NME4: variants seen among roughly 807,000 people sequenced by gnomAD.
NME4 encodes nucleoside diphosphate kinase D, mitochondrial.
In NME4, 21 loss-of-function variants were observed where a neutral mutation model predicts 16.4. The observed-to-expected ratio is 1.28, with a 90% CI of 0.91 to 1.84. The LOEUF (loss-of-function observed/expected upper bound fraction) is 1.84, where lower values mean the gene tolerates loss of function less well. Ranked by LOEUF, NME4 falls within the 40% of genes most tolerant of loss-of-function variation. The pLI is 0.00. For synonymous variants in NME4, 132 were observed against 107.5 expected (o/e 1.23, Z -1.41); for missense variants, 316 against 261.3 (o/e 1.21, Z -1.44).
chr16:399,595 C>T (rs1370683099), intron 3 of NME4, 32 bp from the exon 4 acceptor site: 3 of 1,605,436 alleles, frequency 1.9e-6, no homozygotes, highest in Admixed American at 3.3e-5. Flanking sequence ...TGGTGTTCCC[C>T]ACTTCTCCCC....
chr16:399,606 A>G (rs2054616046), intron 3 of NME4, 21 bp from the exon 4 acceptor site: 4 of 1,610,030 alleles, frequency 2.5e-6, no homozygotes, highest in Non-Finnish European at 3.4e-6. Context: ...ACTTCTCCCC[A>G]ACCATTATCT....
At position 400,261 on chromosome 16, in the gene NME4, G is replaced by C. The variant is rs1197662597; in HGVS notation, c.483G>C (p.Arg161=). ...HASDSVEGAQ[R]EIQLWFQSSE... Reference sequence around the variant, plus strand: ...GCGACTCCGTGGAGGGGGCCCAGCGGGAGATCCAGCTGTGGTTCCAGAGCA... The same window carrying C: ...GCGACTCCGTGGAGGGGGCCCAGCGCGAGATCCAGCTGTGGTTCCAGAGCA... Residue 161 remains arginine, a synonymous_variant, in exon 5 of 5, where the codon CGG becomes CGC. Transcript: ENST00000219479. The C allele has an allele frequency of 6.2e-7, 1 of 1,604,730 alleles. No individual in the cohort carries two copies. Among genetic ancestry groups the C allele is most frequent in the Admixed American group, 1.7e-5 (1 of 59,590 alleles).
intron 4 of NME4, 134 bp downstream of exon 4, chr16:399,873 G>A (rs1302824589): frequency 1.3e-5 from 9 of 719,768 alleles, no homozygotes; most frequent in Non-Finnish European, 1.9e-5. Flanking sequence ...AGCTCACACT[G>A]GTGAGAGCCG....
In NME4 at chr16:397,865, G is replaced by A. The variant is rs553860954; in HGVS notation, c.91+552G>A. The A allele has an allele frequency of 1.2e-4, 193 of 1,553,644 alleles. 1 individual carries two copies. The African/African-American group carries it at 2.2e-3, about 17-fold the overall frequency. On this transcript the variant is annotated intron_variant, in intron 1 of 4. Transcript: ENST00000219479. The stretch of plus-strand genomic sequence containing the variant: ...CCCCCCAGCTGCCACCTCACAGGAC[G>A]ATCCATGTCCCAGGGCTCCCTCCAT...
intron 1 of NME4, among the ~76,000 whole-genome samples, chr16:397,523 T>G (rs2054567761): frequency 7.8e-6 from 1 of 128,078 alleles, no homozygotes; most frequent in South Asian, 2.6e-4. Flanking sequence ...CCTTCTCGCC[T>G]CCCCAGGCCC....
chr16:399,996 G>A (rs1330848918), intron 4 of NME4: 3 of 716,664 alleles, frequency 4.2e-6, no homozygotes, highest in African/African-American at 1.8e-5. Flanking sequence ...AACTTGGGGG[G>A]AAATGAGGCT....
upstream of NME4, chr16:397,087 C>CG (rs2054556878): frequency 6.1e-6 from 1 of 164,050 alleles, no homozygotes; most frequent in East Asian, 2.1e-4. Flanking sequence ...CCCGTGAGCG[C>CG]CGGGCCACGG....
upstream of NME4, chr16:397,192 C>T (rs542872229): frequency 2.1e-6 from 2 of 965,326 alleles, no homozygotes; most frequent in Non-Finnish European, 2.5e-6. Flanking sequence ...GCCCGCTCCT[C>T]GCGCTCACAG....
chr16:399,516 G>C, intron 3 of NME4, 36 bp downstream of exon 3: 2 of 1,602,664 alleles, frequency 1.2e-6, no homozygotes, highest in Non-Finnish European at 8.5e-7. Context: ...GGGCCTGTGG[G>C]TAAAGGGCGT....
intron 2 of NME4, 126 bp downstream of exon 2, chr16:399,249 T>C: frequency 2.1e-6 from 3 of 1,445,086 alleles, no homozygotes; most frequent in South Asian, 1.1e-5. Context: ...GCAGGAGGGA[T>C]CTATTCTGCG....
upstream of NME4, chr16:397,126 C>T: frequency 2.5e-5 from 7 of 274,812 alleles, no homozygotes; most frequent in Non-Finnish European, 2.4e-5. Context: ...GGCTCCGGGG[C>T]GGCGGGGGGC....
chr16:397,327 C>G lies in NME4; in HGVS notation c.91+14C>G. ...GCCACGGCTCGGGTGAGTGGGGCCGCGCGCCCCGGCGGGGACGCGGAGGGG... is the reference window on the plus strand; with the variant it reads ...GCCACGGCTCGGGTGAGTGGGGCCGGGCGCCCCGGCGGGGACGCGGAGGGG... On this transcript the variant is annotated intron_variant, in intron 1 of 4. Coordinates refer to ENST00000219479, the MANE Select transcript of NME4 (RefSeq NM_005009.3). 1 of 1,012,320 alleles carries G rather than the reference C, an allele frequency of 9.9e-7. No homozygotes were observed. The allele number at this position is 1,012,320 out of a possible 1,614,324, so 62.7% of individuals were successfully genotyped here.
rs181557931 is a variant in NME4, at chr16:399,014, G to A, written c.116G>A (p.Arg39Gln). 49 of 1,610,094 alleles carry A rather than the reference G, an allele frequency of 3.0e-5. No homozygotes were observed. In the African/African-American group the frequency reaches 3.1e-4, roughly 10 times the overall value. The change falls in exon 2 of 5, where the codon CGG becomes CAG. Residue 39 changes from arginine to glutamine, a missense_variant. Coordinates refer to ENST00000219479, the MANE Select transcript of NME4 (RefSeq NM_005009.3). ...GSGGPSWTRERTLVAVKPDGV... is the reference protein window; with the variant it reads ...GSGGPSWTREQTLVAVKPDGV... ...GGAGGGCCCTCCTGGACCCGGGAGCGGACCCTGGTGGCGGTGAAGCCCGAT... is the reference window on the plus strand; with the variant it reads ...GGAGGGCCCTCCTGGACCCGGGAGCAGACCCTGGTGGCGGTGAAGCCCGAT...
intron 1 of NME4, 78 bp downstream of exon 1, chr16:397,391 G>C: frequency 1.9e-6 from 1 of 534,794 alleles, no homozygotes. Flanking sequence ...GTGCGCGCAC[G>C]TGCGGGCTGG....
chr16:398,286 A>G, intron 1 of NME4: 6 of 1,362,306 alleles, frequency 4.4e-6, no homozygotes, highest in Non-Finnish European at 5.8e-6. Flanking sequence ...TTGAAACTCC[A>G]CAGCAGCACA....
chr16:400,268 C>T lies in NME4; in HGVS notation c.490C>T (p.Gln164Ter), dbSNP rs748172647. The T allele has an allele frequency of 2.5e-6, 4 of 1,605,218 alleles. No individual in the cohort carries two copies. Among genetic ancestry groups the T allele is most frequent in the Non-Finnish European group, 3.4e-6 (4 of 1,174,600 alleles). ...CGTGGAGGGGGCCCAGCGGGAGATC[C>T]AGCTGTGGTTCCAGAGCAGTGAGCT... ...DSVEGAQREI[Q>*]LWFQSSELVS... The change falls in exon 5 of 5, where the codon CAG becomes TAG. Residue 164 changes from glutamine to a stop codon, truncating the protein, a stop_gained. Transcript: ENST00000219479. LOFTEE classifies it low-confidence loss of function (END_TRUNC).
intron 3 of NME4, 44 bp downstream of exon 3, chr16:399,524 C>T (rs368776016): frequency 2.7e-5 from 43 of 1,595,586 alleles, no homozygotes; most frequent in South Asian, 8.8e-5. Context: ...GGGTAAAGGG[C>T]GTGTGGGTGT....
intron 1 of NME4, 137 bp from the exon 2 acceptor site, chr16:398,853 C>G (rs2054600958): frequency 8.4e-7 from 1 of 1,194,960 alleles, no homozygotes; most frequent in Non-Finnish European, 1.2e-6. Flanking sequence ...GGGCACCATC[C>G]CTGTCCCTTC....
At chr16:397,489 C>T (rs1223187747) in intron 1 of NME4, among the ~76,000 whole-genome samples, 176 bp downstream of exon 1, 8 of 138,192 alleles carry the variant, frequency 5.8e-5, no homozygotes, top group Non-Finnish European at 1.3e-4. Context: ...CACGCCCCTC[C>T]AGTGCCCGTC....
Sources: allele counts gnomAD v4.1 joint callset (sites outside exome capture counted in the v4.1 genomes callset), GRCh38; gene constraint gnomAD v4.1.1; transcripts MANE v1.5; gene names NCBI Gene and HGNC (gene_info 2026-07-23, HGNC 2026-07-21).